The following DNAH9 variants were observed in gnomAD, a reference collection of about 807,000 sequenced individuals.
DNAH9 encodes dynein axonemal heavy chain 9.
DNAH9 carries 345 observed loss-of-function variants against 471.6 expected under a neutral mutation model. The ratio of observed to expected loss-of-function variants is 0.73; its 90% CI spans 0.67 to 0.80. The LOEUF is 0.80. DNAH9 is among the 30% of genes least tolerant of loss of function. The pLI, the probability that DNAH9 is intolerant of heterozygous loss-of-function variation, is 0.00. For synonymous variants in DNAH9, 2,093 were observed against 2,123.6 expected, an observed-to-expected ratio of 0.99 and a Z score of 0.40; for missense variants, 5,407 against 5,609.2, an observed-to-expected ratio of 0.96 and a Z score of 1.15.
At chr17:11,917,199 G>T (rs965276145) in intron 61 of DNAH9, among the ~76,000 whole-genome samples, 12 of 152,078 alleles carry the variant, frequency 7.9e-5, no homozygotes, top group African/African-American at 2.2e-4. Flanking sequence ...TGTCACCCAG[G>T]CTGGAGTGCA....
At chr17:11,633,479 G>A (rs2073105308) in intron 8 of DNAH9, among the ~76,000 whole-genome samples, 1 of 152,210 alleles carries the variant, frequency 6.6e-6, no homozygotes. Flanking sequence ...AATTGTAGAA[G>A]AGGCTTAAAC....
intron 67 of DNAH9, among the ~76,000 whole-genome samples, chr17:11,945,061 T>C (rs545144812): frequency 1.9e-3 from 294 of 151,912 alleles, no homozygotes; most frequent in African/African-American, 6.7e-3. Flanking sequence ...GGCCTGTGAG[T>C]GAGAGGCGGA....
chr17:11,910,601 A>T (rs1444124780), intron 61 of DNAH9, among the ~76,000 whole-genome samples: 4 of 152,180 alleles, frequency 2.6e-5, no homozygotes, highest in African/African-American at 9.7e-5. Context: ...TCAGATGGTG[A>T]CTTTATGTTT....
At chr17:11,822,625 A>G in intron 47 of DNAH9, 26 bp downstream of exon 47, 1 of 1,612,764 alleles carries the variant, frequency 6.2e-7, no homozygotes, top group Non-Finnish European at 8.5e-7. Context: ...AGACACTCCT[A>G]AAAGTCCTTC....
At position 11,636,620 on chromosome 17, in the gene DNAH9, C is replaced by T. The variant is rs754905788; in HGVS notation, c.1636-14C>T. 4.4e-6 allele frequency: 7 copies of T among 1,608,586 alleles called. No homozygotes were observed. In the Admixed American group the frequency reaches 8.4e-5, roughly 19 times the overall value. On this transcript the variant is annotated splice_polypyrimidine_tract_variant and intron_variant, in intron 8 of 68. Transcript: ENST00000262442. ...TGTGATTTTTTTCCTCTTTTTCCTC[C>T]ACCTTCCCTACAGCTGCTAGACATA... is the stretch of plus-strand genomic sequence containing the variant.
intron 21 of DNAH9, 72 bp downstream of exon 21, chr17:11,694,070 A>G: frequency 1.3e-6 from 2 of 1,551,740 alleles, no homozygotes; most frequent in Non-Finnish European, 1.8e-6. Flanking sequence ...CTCTGAGACC[A>G]GTGGGCAGAA....
intron 50 of DNAH9, among the ~76,000 whole-genome samples, chr17:11,855,410 G>A (rs1400235025): frequency 2.0e-5 from 3 of 152,178 alleles, no homozygotes; most frequent in Admixed American, 6.5e-5. Flanking sequence ...TCCAAAGAGT[G>A]TATTTAACCT....
chr17:11,661,440 GA>G (rs1208450291), intron 14 of DNAH9, among the ~76,000 whole-genome samples: 1 of 152,092 alleles, frequency 6.6e-6, no homozygotes, highest in African/African-American at 2.4e-5. Flanking sequence ...TTGTATGGTT[GA>G]ATTTAGCTCT....
Position 11,930,018 on chromosome 17 carries a change from C to T in DNAH9, c.12030C>T (p.Asn4010=), listed in dbSNP as rs375486976. ...GHIIPQGILE[N]SIKITNEPPT... is the part of the protein sequence containing the mutation. ...TCATCCCCCAGGGCATCCTGGAGAA[C>T]TCCATTAAGATCACCAATGAGCCCC... The change falls in exon 63 of 69, where the codon AAC becomes AAT. Residue 4010 remains asparagine, a synonymous_variant. Transcript: ENST00000262442. 34 of 1,614,156 alleles carry T rather than the reference C, an allele frequency of 2.1e-5. No homozygotes were observed. The African/African-American group carries it at 2.9e-4, about 14-fold the overall frequency.
rs921277336 is a variant in DNAH9 at position 11,693,892 on chromosome 17, G to A, written c.4639G>A (p.Asp1547Asn). Residue 1547 changes from aspartate to asparagine, a missense_variant, in exon 21 of 69, where the codon GAC (aspartate) becomes AAC (asparagine). Transcript: ENST00000262442. ...GGATTCTAAAAGGTTTGAAGGCATC[G>A]ACATTGACTTTAAAGAGCTAGCTTA... is the stretch of plus-strand genomic sequence containing the variant. ...PQDSKRFEGI[D>N]IDFKELAYDA... 11 of 1,613,946 alleles carry A rather than the reference G, an allele frequency of 6.8e-6. No homozygotes were observed. Among genetic ancestry groups the A allele is most frequent in the Middle Eastern group, 1.6e-4 (1 of 6,084 alleles).
At chr17:11,770,092 C>T (rs1457357795) in intron 38 of DNAH9, among the ~76,000 whole-genome samples, 2 of 152,202 alleles carry the variant, frequency 1.3e-5, no homozygotes, top group African/African-American at 4.8e-5. Flanking sequence ...CTGAGCTTTC[C>T]CAGGTGACAC....
chr17:11,907,978 C>T (rs771654928), intron 61 of DNAH9, among the ~76,000 whole-genome samples: 1 of 152,108 alleles, frequency 6.6e-6, no homozygotes, highest in Non-Finnish European at 1.5e-5. Context: ...AAGGATTTAG[C>T]GTGCACTGTG....
chr17:11,648,769 AAAG>A (rs1242980340), intron 12 of DNAH9, among the ~76,000 whole-genome samples: 1 of 152,172 alleles, frequency 6.6e-6, no homozygotes, highest in Non-Finnish European at 1.5e-5. Context: ...TTAACAAGTC[AAAG>A]AAGAACACCA....
At chr17:11,710,516 T>C (rs1482486689) in intron 26 of DNAH9, among the ~76,000 whole-genome samples, 3 of 152,212 alleles carry the variant, frequency 2.0e-5, no homozygotes, top group Non-Finnish European at 4.4e-5. Flanking sequence ...AGTATTACTG[T>C]TACTTTATTA....
At chr17:11,923,739 T>C in intron 61 of DNAH9, 75 bp from the exon 62 acceptor site, 4 of 1,576,144 alleles carry the variant, frequency 2.5e-6, no homozygotes, top group Non-Finnish European at 3.5e-6. Context: ...TCTGAGCGTG[T>C]GCATTTCCTT....
At chr17:11,629,998 A>G (rs2073037791) in intron 7 of DNAH9, among the ~76,000 whole-genome samples, 1 of 152,206 alleles carries the variant, frequency 6.6e-6, no homozygotes, top group Non-Finnish European at 1.5e-5. Context: ...AGTCAAAGTC[A>G]TAGAAGCAGA....
intron 19 of DNAH9, among the ~76,000 whole-genome samples, chr17:11,686,653 A>C (rs2074246772): frequency 6.6e-6 from 1 of 152,200 alleles, no homozygotes; most frequent in Non-Finnish European, 1.5e-5. Flanking sequence ...TATAAACAAA[A>C]ATTATGCCGC....
intron 35 of DNAH9, among the ~76,000 whole-genome samples, chr17:11,758,179 G>A (rs546937374): frequency 1.3e-5 from 2 of 152,266 alleles, no homozygotes; most frequent in African/African-American, 4.8e-5. Context: ...TGACAGTCCT[G>A]CCCTGCTGGA....
At chr17:11,762,788 T>TTTTTTTTTTTTTTTTTGTTTTTTTTG (rs1597610213) in intron 35 of DNAH9, among the ~76,000 whole-genome samples, 1 of 121,184 alleles carries the variant, frequency 8.3e-6, no homozygotes, top group Non-Finnish European at 1.7e-5. Context: ...TTTTTTTTTT[T>TTTTTTTTTTTTTTTTTGTTTTTTTTG]TTTTTTTTTG....
Sources: gnomAD v4.1 joint callset for allele counts (sites outside exome capture counted in the v4.1 genomes callset) on GRCh38, gnomAD v4.1.1 for gene constraint, MANE v1.5 for transcripts, NCBI Gene and HGNC (gene_info 2026-07-23, HGNC 2026-07-21) for gene names.